CDH12: variants seen among roughly 807,000 people sequenced by gnomAD.
CDH12 encodes cadherin 12, also known as cadherin-12.
CDH12 carries 41 observed loss-of-function variants against 74.1 expected under a neutral mutation model. The observed-to-expected ratio is 0.55, with a 90% CI of 0.43 to 0.72. CDH12 has a LOEUF of 0.72. Among genes scored for constraint, CDH12 ranks in the 30% least tolerant of loss-of-function variants. CDH12 has a pLI of 0.00. For synonymous variants in CDH12, 399 were observed against 355.0 expected (o/e 1.12, Z -1.39); for missense variants, 945 against 977.2 (o/e 0.97, Z 0.44).
chr5:22,179,098 A>C (rs1243223523), intron 4 of CDH12, among the ~76,000 whole-genome samples: 1 of 152,222 alleles, frequency 6.6e-6, no homozygotes. Flanking sequence ...GTACTGAAAG[A>C]AGTATTGGCA....
chr5:22,818,018 C>T (rs916729320), intron 1 of CDH12, among the ~76,000 whole-genome samples: 2 of 151,944 alleles, frequency 1.3e-5, no homozygotes, highest in Non-Finnish European at 2.9e-5. Flanking sequence ...GTGTGTGGGT[C>T]GTACTTAAAA....
chr5:22,765,802 G>A (rs1746479846), intron 1 of CDH12, among the ~76,000 whole-genome samples: 1 of 151,614 alleles, frequency 6.6e-6, no homozygotes. Flanking sequence ...TGTTCTCAGA[G>A]TATATAGAGT....
intron 6 of CDH12, among the ~76,000 whole-genome samples, chr5:21,917,427 A>T (rs981423328): frequency 6.6e-6 from 1 of 152,204 alleles, no homozygotes; most frequent in Non-Finnish European, 1.5e-5. Flanking sequence ...GTCATTATAT[A>T]AAAATTACCA....
chr5:22,642,264 A>G (rs1293846110), intron 1 of CDH12, among the ~76,000 whole-genome samples: 1 of 152,202 alleles, frequency 6.6e-6, no homozygotes, highest in Non-Finnish European at 1.5e-5. Context: ...CTTGAGCTAA[A>G]TTATATAGAG....
At chr5:22,299,446 A>G (rs1737770814) in intron 3 of CDH12, among the ~76,000 whole-genome samples, 1 of 152,224 alleles carries the variant, frequency 6.6e-6, no homozygotes, top group South Asian at 2.1e-4. Context: ...TAAAAATTAT[A>G]AAATTATACT....
intron 6 of CDH12, among the ~76,000 whole-genome samples, chr5:21,859,803 T>A (rs1280617036): frequency 6.6e-6 from 1 of 152,116 alleles, no homozygotes; most frequent in East Asian, 1.9e-4. Flanking sequence ...TTGGCTGGCA[T>A]GATTGACCTG....
chr5:22,603,862 A>G (rs1736968456), intron 1 of CDH12, among the ~76,000 whole-genome samples: 1 of 152,184 alleles, frequency 6.6e-6, no homozygotes, highest in Non-Finnish European at 1.5e-5. Flanking sequence ...ATGGAAAAAG[A>G]ATTGAATTGT....
Position 21,842,238 on chromosome 5 carries a change from A to G in CDH12, c.737T>C (p.Leu246Pro), listed in dbSNP as rs1749910076. 1 of 1,613,438 alleles carries G rather than the reference A, an allele frequency of 6.2e-7. No homozygotes were observed. Among genetic ancestry groups the G allele is most frequent in the African/African-American group, 1.3e-5 (1 of 74,882 alleles). Residue 246 changes from leucine to proline, a missense_variant, in exon 8 of 15, where the codon CTT becomes CCT. Physicochemically the swap from Leu to Pro is moderately conservative, Grantham distance 98 (BLOSUM62 -3). This residue lies in a region of CDH12 where 791 missense variants were observed against 792.8 expected (regional missense o/e 1.00). Transcript: ENST00000382254. ...LIQAKDMGGQ[L>P]GGLAGTTIVN... Reference sequence around the variant, plus strand: ...TATTGTTGTTCCGGCTAATCCTCCAAGCTGTCCTCCCATATCCTTGGCTTG... The same window carrying G: ...TATTGTTGTTCCGGCTAATCCTCCAGGCTGTCCTCCCATATCCTTGGCTTG...
intron 4 of CDH12, among the ~76,000 whole-genome samples, chr5:22,087,199 G>A (rs916533668): frequency 1.3e-5 from 2 of 152,148 alleles, no homozygotes; most frequent in Admixed American, 6.5e-5. Flanking sequence ...TAATGTATCA[G>A]TATTGGTTAT....
At chr5:22,088,237 A>C (rs1381666547) in intron 4 of CDH12, among the ~76,000 whole-genome samples, 2 of 152,178 alleles carry the variant, frequency 1.3e-5, no homozygotes, top group Non-Finnish European at 2.9e-5. Context: ...TTCAGCAAAC[A>C]AAATAACACT....
chr5:22,191,289 C>G lies in CDH12; in HGVS notation c.-187+21209G>C, dbSNP rs1439021338. ...AAGCCAAGCCCTTCCTTTACACTCTCTTAAAGCCTCCTTCTCATTTCACTC... is the reference window on the plus strand; with the variant it reads ...AAGCCAAGCCCTTCCTTTACACTCTGTTAAAGCCTCCTTCTCATTTCACTC... On this transcript the variant is annotated intron_variant, in intron 4 of 14. Transcript: ENST00000382254. Among the ~76,000 whole-genome samples, 6 of 152,242 alleles carry G rather than the reference C, an allele frequency of 3.9e-5. No homozygotes were observed. The East Asian group carries it at 1.2e-3, about 30-fold the overall frequency.
intron 4 of CDH12, among the ~76,000 whole-genome samples, chr5:22,133,670 A>C (rs1415069462): frequency 2.3e-4 from 35 of 152,212 alleles, no homozygotes; most frequent in Non-Finnish European, 2.9e-5. Context: ...GTCATCCTGC[A>C]TGTAAAAGAA....
At chr5:22,268,880 T>A (rs185641915) in intron 3 of CDH12, among the ~76,000 whole-genome samples, 1 of 152,212 alleles carries the variant, frequency 6.6e-6, no homozygotes, top group East Asian at 1.9e-4. Context: ...CTAGGTGTGA[T>A]CTCCTAATAA....
At chr5:22,616,965 A>G (rs775156612) in intron 1 of CDH12, among the ~76,000 whole-genome samples, 79 of 152,178 alleles carry the variant, frequency 5.2e-4, no homozygotes, top group Middle Eastern at 6.8e-3. Context: ...CCTGGGCTCA[A>G]GTAATCCTCC....
intron 5 of CDH12, among the ~76,000 whole-genome samples, chr5:22,014,761 C>G (rs1737505353): frequency 6.6e-6 from 1 of 152,110 alleles, no homozygotes; most frequent in Admixed American, 6.6e-5. Context: ...CTATCTGCCA[C>G]CACTTAATTT....
intron 8 of CDH12, among the ~76,000 whole-genome samples, chr5:21,826,934 G>T (rs1284306126): frequency 6.6e-6 from 1 of 152,106 alleles, no homozygotes; most frequent in Non-Finnish European, 1.5e-5. Context: ...ACAGGTATGA[G>T]CCCTAATGTT....
intron 5 of CDH12, among the ~76,000 whole-genome samples, chr5:22,029,535 G>A (rs1176975911): frequency 1.3e-5 from 2 of 151,618 alleles, no homozygotes; most frequent in African/African-American, 4.8e-5. Flanking sequence ...CTGGCCATCA[G>A]AGAAATGCAA....
chr5:21,757,011 G>A (rs1038361117), intron 13 of CDH12, among the ~76,000 whole-genome samples: 4 of 151,970 alleles, frequency 2.6e-5, no homozygotes, highest in Admixed American at 2.0e-4. Context: ...TTGAGTCCGC[G>A]GAAAAGGAAC....
chr5:22,698,716 T>G (rs1561585907), intron 1 of CDH12, among the ~76,000 whole-genome samples: 974 of 14,380 alleles, frequency 0.068, 105 homozygotes, highest in African/African-American at 0.21. Context: ...TATATATATA[T>G]ATATATATAT....
Sources: allele counts gnomAD v4.1 joint callset (sites outside exome capture counted in the v4.1 genomes callset), GRCh38; gene constraint gnomAD v4.1.1; regional missense constraint gnomAD v4.1.1; transcripts MANE v1.5; gene names NCBI Gene and HGNC (gene_info 2026-07-23, HGNC 2026-07-21).